LRRC74A: variants seen among roughly 807,000 people sequenced by gnomAD.
The protein encoded by LRRC74A is leucine-rich repeat-containing protein 74A.
A neutral mutation model predicts 57.9 loss-of-function variants in LRRC74A; 44 were observed. The ratio of observed to expected loss-of-function variants is 0.76; its 90% CI spans 0.60 to 0.98. LRRC74A has a LOEUF of 0.98. LRRC74A is among the 50% of genes least tolerant of loss of function. LRRC74A has a pLI of 0.00. For missense variants in LRRC74A, 572 were observed against 574.0 expected (o/e 1.00, Z 0.04); for synonymous variants, 211 against 219.4 (o/e 0.96, Z 0.34).
chr14:76,850,165 G>A (rs557200380), intron 7 of LRRC74A, among the ~76,000 whole-genome samples: 285 of 152,214 alleles, frequency 1.9e-3, no homozygotes, highest in Admixed American at 5.2e-3. Context: ...CGGAGATTGC[G>A]CCACTGCACT....
chr14:76,870,069 C>G, intron 13 of LRRC74A, 56 bp from the exon 14 acceptor site: 1 of 1,572,140 alleles, frequency 6.4e-7, no homozygotes, highest in South Asian at 1.2e-5. Context: ...CATTCTCACC[C>G]ATCAGCCATG....
chr14:76,833,228 A>T (rs1289522877), intron 3 of LRRC74A, among the ~76,000 whole-genome samples: 1 of 152,090 alleles, frequency 6.6e-6, no homozygotes, highest in Non-Finnish European at 1.5e-5. Context: ...ATGAATGAGG[A>T]AGGCAATTCT....
chr14:76,826,589 G>A lies in LRRC74A; in HGVS notation c.-109G>A. ...CTCCCCTGGGATGCCCCCAGGTGAG[G>A]GAAGTTCACAGAGTTTGAGACAGAG... On this transcript the variant is annotated 5_prime_UTR_variant, in exon 1 of 14. Coordinates refer to ENST00000689127, the MANE Select transcript of LRRC74A (RefSeq NM_001385106.1). 2 of 1,612,930 alleles carry A rather than the reference G, an allele frequency of 1.2e-6. No homozygotes were observed. Among genetic ancestry groups the A allele is most frequent in the Non-Finnish European group, 1.7e-6 (2 of 1,179,496 alleles).
chr14:76,853,175 C>T lies in LRRC74A; in HGVS notation c.763-41C>T, dbSNP rs373184384. Reference sequence around the variant, plus strand: ...GACCCTTTTGGTTGGATGAGTCACGCGTAACCTTGATGCTGGTGCTGTTCT... The same window carrying T: ...GACCCTTTTGGTTGGATGAGTCACGTGTAACCTTGATGCTGGTGCTGTTCT... On this transcript the variant is annotated intron_variant, in intron 8 of 13. Coordinates refer to ENST00000689127, the MANE Select transcript of LRRC74A (RefSeq NM_001385106.1). The T allele has an allele frequency of 7.1e-6, 11 of 1,550,918 alleles. No individual in the cohort carries two copies. In the East Asian group the frequency reaches 1.8e-4, roughly 25 times the overall value.
At chr14:76,867,691 C>T (rs916071378) in intron 13 of LRRC74A, among the ~76,000 whole-genome samples, 4 of 152,144 alleles carry the variant, frequency 2.6e-5, no homozygotes, top group South Asian at 2.1e-4. Flanking sequence ...CGGGAGGAGC[C>T]GGAGCCCACA....
At chr14:76,858,181 G>A (rs1898040787) in intron 10 of LRRC74A, among the ~76,000 whole-genome samples, 1 of 152,224 alleles carries the variant, frequency 6.6e-6, no homozygotes, top group South Asian at 2.1e-4. Flanking sequence ...TTAAACAACA[G>A]ACATGTATTG....
chr14:76,832,904 G>A (rs1041421112), intron 3 of LRRC74A, among the ~76,000 whole-genome samples: 1 of 152,206 alleles, frequency 6.6e-6, no homozygotes, highest in Non-Finnish European at 1.5e-5. Flanking sequence ...AAACAACTCT[G>A]AGGAAGGGGT....
chr14:76,853,104 G>C, intron 8 of LRRC74A, 112 bp from the exon 9 acceptor site: 2 of 955,780 alleles, frequency 2.1e-6, no homozygotes, highest in Non-Finnish European at 1.6e-6. Flanking sequence ...CAGTCCTGGG[G>C]ACCACTGAGC....
chr14:76,869,867 C>T (rs1422421179), intron 13 of LRRC74A, among the ~76,000 whole-genome samples: 2 of 152,164 alleles, frequency 1.3e-5, no homozygotes, highest in African/African-American at 2.4e-5. Context: ...ACTCTGCCTC[C>T]CCAAAGGGCT....
chr14:76,835,254 G>A (rs966110127), intron 3 of LRRC74A, among the ~76,000 whole-genome samples: 6 of 152,036 alleles, frequency 3.9e-5, no homozygotes, highest in Non-Finnish European at 5.9e-5. Context: ...AGGCCAAGGC[G>A]GGTGGATCAC....
chr14:76,844,148 G>A (rs1351657960), intron 5 of LRRC74A, among the ~76,000 whole-genome samples: 1 of 152,186 alleles, frequency 6.6e-6, no homozygotes, highest in Non-Finnish European at 1.5e-5. Flanking sequence ...ACAGGTTCAT[G>A]CCACCATGAC....
chr14:76,849,018 G>C (rs1452290088), intron 7 of LRRC74A, among the ~76,000 whole-genome samples: 1 of 152,200 alleles, frequency 6.6e-6, no homozygotes, highest in Non-Finnish European at 1.5e-5. Context: ...AGGGTTGATG[G>C]GAGAGCAGAA....
intron 12 of LRRC74A, among the ~76,000 whole-genome samples, chr14:76,866,859 C>T (rs11621288): frequency 0.95 from 140,031 of 148,036 alleles, 66,524 homozygotes; most frequent in Non-Finnish European, 1. Context: ...GAATCAGTTT[C>T]CCCTGAGCTC....
Position 76,836,241 on chromosome 14 carries a change from A to T in LRRC74A, c.374A>T (p.Asp125Val), listed in dbSNP as rs767470699. ...GCTGTTACCAAACTGGAGCTGGAAGACAATTGCATCATGGAGGAGGGCGTC... is the reference window on the plus strand; with the variant it reads ...GCTGTTACCAAACTGGAGCTGGAAGTCAATTGCATCATGGAGGAGGGCGTC... ...NMAVTKLELE[D>V]NCIMEEGVLS... Residue 125 changes from aspartate to valine, a missense_variant, in exon 4 of 14, where the codon GAC becomes GTC. Transcript: ENST00000689127. 8.1e-6 allele frequency: 13 copies of T among 1,613,876 alleles called. No individual in the cohort carries two copies. The highest frequency in any genetic ancestry group is 1.1e-5 in the Non-Finnish European group (13 of 1,179,826).
chr14:76,836,055 C>T (rs1249152245), intron 3 of LRRC74A, among the ~76,000 whole-genome samples, 152 bp from the exon 4 acceptor site: 1 of 152,220 alleles, frequency 6.6e-6, no homozygotes, highest in East Asian at 1.9e-4. Flanking sequence ...TTGGTTCAGC[C>T]CCCGTTCTGG....
intron 13 of LRRC74A, among the ~76,000 whole-genome samples, chr14:76,869,782 A>G (rs949596416): frequency 2.0e-5 from 3 of 151,118 alleles, no homozygotes; most frequent in Non-Finnish European, 4.4e-5. Context: ...AAAAGAAAAG[A>G]AAAAAAATTC....
chr14:76,832,652 A>C (rs1422634161), intron 3 of LRRC74A, among the ~76,000 whole-genome samples: 1 of 152,112 alleles, frequency 6.6e-6, no homozygotes, highest in Non-Finnish European at 1.5e-5. Flanking sequence ...AGGGGCTGAA[A>C]AATTAGGATC....
intron 13 of LRRC74A, 91 bp from the exon 14 acceptor site, chr14:76,870,034 T>C (rs945391789): frequency 1.4e-5 from 20 of 1,405,636 alleles, no homozygotes; most frequent in Non-Finnish European, 2.0e-5. Context: ...ACAAATGGTC[T>C]CCTTTGGATT....
chr14:76,849,556 C>CTT (rs1285458435), intron 7 of LRRC74A, among the ~76,000 whole-genome samples: 6 of 151,966 alleles, frequency 3.9e-5, no homozygotes, highest in South Asian at 4.2e-4. Context: ...AATCCCAACA[C>CTT]TTTCGGAGGC....
Sources: gnomAD v4.1 joint callset for allele counts (sites outside exome capture counted in the v4.1 genomes callset) on GRCh38, gnomAD v4.1.1 for gene constraint, MANE v1.5 for transcripts, NCBI Gene and HGNC (gene_info 2026-07-23, HGNC 2026-07-21) for gene names.